ADAMTS9: variants seen among roughly 807,000 people sequenced by gnomAD.
ADAMTS9 encodes the protein ADAM metallopeptidase with thrombospondin type 1 motif 9.
ADAMTS9 carries 107 observed loss-of-function variants against 257.1 expected under a neutral mutation model. The observed-to-expected ratio is 0.42, with a 90% confidence interval of 0.36 to 0.49. The LOEUF is 0.49. Among genes scored for constraint, ADAMTS9 ranks in the 20% least tolerant of loss-of-function variants. The pLI is 0.03. For synonymous variants in ADAMTS9, 982 were observed against 880.9 expected, an observed-to-expected ratio of 1.11 and a Z score of -2.03; for missense variants, 2,353 against 2,469.1, an observed-to-expected ratio of 0.95 and a Z score of 1.00.
At position 64,604,093 on chromosome 3, in the gene ADAMTS9, G is replaced by C. The variant is rs1308295264; in HGVS notation, c.3580-4C>G. 6.2e-7 allele frequency: 1 copy of C among 1,613,674 alleles called. No individual in the cohort carries two copies. The highest frequency in any genetic ancestry group is 8.5e-7 in the Non-Finnish European group (1 of 1,179,828). On this transcript the variant is annotated splice_polypyrimidine_tract_variant and splice_region_variant and intron_variant, in intron 24 of 39. Transcript: ENST00000498707. ...CTTTCCCACAAGTGGCTGAGCACTGGGTGTTGGAGTAAAATCATGCAGTTA... is the reference window on the plus strand; with the variant it reads ...CTTTCCCACAAGTGGCTGAGCACTGCGTGTTGGAGTAAAATCATGCAGTTA...
intron 28 of ADAMTS9, among the ~76,000 whole-genome samples, chr3:64,574,574 A>AAAG (rs1553704863): frequency 1.9e-4 from 28 of 151,342 alleles, no homozygotes; most frequent in African/African-American, 6.8e-4. Flanking sequence ...AAAAAAAAAA[A>AAAG]AAAGAAAAAT....
intron 28 of ADAMTS9, among the ~76,000 whole-genome samples, chr3:64,584,919 T>C (rs1379731479): frequency 6.6e-6 from 1 of 152,210 alleles, no homozygotes; most frequent in Non-Finnish European, 1.5e-5. Flanking sequence ...ATCATCATTA[T>C]TAATACAACA....
chr3:64,517,416 G>GTTTTTTTTGTTTTT (rs1553698668), intron 39 of ADAMTS9, among the ~76,000 whole-genome samples: 8 of 52,670 alleles, frequency 1.5e-4, no homozygotes, highest in East Asian at 6.9e-4. Context: ...ATTAAAAATG[G>GTTTTTTTTGTTTTT]TTTTTTTTTT....
chr3:64,622,448 T>C lies in ADAMTS9; in HGVS notation c.2528A>G (p.Asp843Gly), dbSNP rs371210031. The change falls in exon 17 of 40, where the codon GAT becomes GGT. Residue 843 changes from aspartate to glycine, a missense_variant. By Grantham distance (94) the Asp-to-Gly change is moderately conservative. Around this residue, in one of 3 missense-constraint regions of ADAMTS9, gnomAD observed 1,402 missense variants for 1,441.4 expected, o/e 0.97. Coordinates refer to ENST00000498707, the MANE Select transcript of ADAMTS9 (RefSeq NM_182920.2). The part of the protein sequence containing the change: ...ETAVERINST[D>G]RIEQELLLQV... ...AAGCAAAAGTTCTTGCTCAATGCGA[T>C]CTGTTGAGTTAATTCTTTCTACGGC... The C allele has an allele frequency of 1.2e-5, 19 of 1,613,860 alleles. No individual in the cohort carries two copies. The African/African-American group carries it at 1.2e-4, about 10-fold the overall frequency.
rs1466588446 is a variant in ADAMTS9 at position 64,687,823 on chromosome 3, T to G, written c.-166A>C. 2.0e-6 allele frequency: 1 copy of G among 504,464 alleles called. No homozygotes were observed. Among genetic ancestry groups the G allele is most frequent in the Non-Finnish European group, 3.5e-6 (1 of 287,634 alleles). The allele number at this position is 504,464 out of a possible 1,614,324, so 31.2% of individuals were successfully genotyped here. Reference sequence around the variant, plus strand: ...GAGGTCTCGCTGCGAGGGTCCCGTCTGCGCTCGGCTGAGCAACGCCGCCGC... The same window carrying G: ...GAGGTCTCGCTGCGAGGGTCCCGTCGGCGCTCGGCTGAGCAACGCCGCCGC... On this transcript the variant is annotated 5_prime_UTR_variant, in exon 1 of 40. Transcript: ENST00000498707. The surrounding 1 kb of genome is among the most constrained non-coding windows in gnomAD (Gnocchi z 4.4).
intron 19 of ADAMTS9, among the ~76,000 whole-genome samples, chr3:64,617,275 A>C (rs560300069): frequency 6.6e-6 from 1 of 152,220 alleles, no homozygotes; most frequent in South Asian, 2.1e-4. Context: ...TGCCTTCGTC[A>C]CCATTTCCTT....
intron 25 of ADAMTS9, among the ~76,000 whole-genome samples, chr3:64,603,454 G>A (rs1428065481): frequency 6.6e-6 from 1 of 152,116 alleles, no homozygotes; most frequent in Admixed American, 6.5e-5. Context: ...GTGTACAGCA[G>A]GCAGGTTCAC....
intron 27 of ADAMTS9, among the ~76,000 whole-genome samples, chr3:64,595,341 A>C (rs543964407): frequency 1.3e-5 from 2 of 152,174 alleles, no homozygotes; most frequent in Non-Finnish European, 2.9e-5. Flanking sequence ...GGCTAGATCT[A>C]AACTTCTGAG....
At chr3:64,595,362 G>A (rs759030601) in intron 27 of ADAMTS9, among the ~76,000 whole-genome samples, 14 of 152,166 alleles carry the variant, frequency 9.2e-5, no homozygotes, top group Non-Finnish European at 1.6e-4. Context: ...GCAGGAACAC[G>A]TTGTATTTCT....
intron 32 of ADAMTS9, among the ~76,000 whole-genome samples, 174 bp from the exon 33 acceptor site, chr3:64,542,144 G>A (rs1245414944): frequency 6.6e-5 from 10 of 152,114 alleles, no homozygotes; most frequent in African/African-American, 2.4e-4. Context: ...GCCAGTCCCT[G>A]TGGTAAGCTT....
chr3:64,566,146 C>A (rs974153888), intron 29 of ADAMTS9, among the ~76,000 whole-genome samples: 3 of 152,156 alleles, frequency 2.0e-5, no homozygotes, highest in Admixed American at 6.5e-5. Flanking sequence ...AATATTGCTG[C>A]AAGTGGACAA....
At chr3:64,648,267 A>T (rs1191454109) in intron 10 of ADAMTS9, among the ~76,000 whole-genome samples, 1 of 152,204 alleles carries the variant, frequency 6.6e-6, no homozygotes, top group African/African-American at 2.4e-5. Flanking sequence ...CAAGCTAAGG[A>T]AAGAAAACTT....
chr3:64,672,230 G>A (rs1456062924), intron 3 of ADAMTS9, among the ~76,000 whole-genome samples: 1 of 152,190 alleles, frequency 6.6e-6, no homozygotes, highest in African/African-American at 2.4e-5. Flanking sequence ...ATTCACCCTT[G>A]TAGCACCCCT....
chr3:64,641,707 G>T (rs73124224), intron 12 of ADAMTS9, 141 bp downstream of exon 12: 25 of 1,013,464 alleles, frequency 2.5e-5, no homozygotes, highest in Non-Finnish European at 3.6e-5. Flanking sequence ...TTTGGGTACC[G>T]TGGGTCTAAG....
chr3:64,613,899 A>G (rs2084713311), intron 21 of ADAMTS9, among the ~76,000 whole-genome samples: 1 of 152,212 alleles, frequency 6.6e-6, no homozygotes, highest in Non-Finnish European at 1.5e-5. Flanking sequence ...TAAAATGAGA[A>G]TTAGTGTCTA....
chr3:64,611,657 C>T (rs530058614), intron 22 of ADAMTS9, among the ~76,000 whole-genome samples: 6 of 152,276 alleles, frequency 3.9e-5, no homozygotes, highest in Non-Finnish European at 5.9e-5. Context: ...CAACCTAGAT[C>T]TCACAGTTCA....
At position 64,568,412 on chromosome 3, in the gene ADAMTS9, G is replaced by A. The variant is rs2083594165; in HGVS notation, c.4480C>T (p.Arg1494Ter). 6.2e-7 allele frequency: 1 copy of A among 1,612,456 alleles called. No homozygotes were observed. Among genetic ancestry groups the A allele is most frequent in the Non-Finnish European group, 8.5e-7 (1 of 1,179,696 alleles). Residue 1494 changes from arginine (R) to a stop codon, truncating the protein, a stop_gained, in exon 29 of 40, where the codon CGA (arginine) becomes TGA (stop). Transcript: ENST00000498707. LOFTEE classifies it high-confidence loss of function. ...TTCCATTTGGGGCATCTTCCTCCTC[G>A]GCACTTTCTGTGCCCATGTGGCTTA... ...LAKPHGHRKCRGGRCPKWKAG... is the reference protein window; with the variant it reads ...LAKPHGHRKC
intron 27 of ADAMTS9, among the ~76,000 whole-genome samples, chr3:64,595,596 T>G (rs752028378): frequency 6.6e-6 from 1 of 152,234 alleles, no homozygotes; most frequent in African/African-American, 2.4e-5. Flanking sequence ...CCACAATACA[T>G]GAGTCACAAA....
chr3:64,607,519 C>A (rs555959574), intron 22 of ADAMTS9, among the ~76,000 whole-genome samples: 1 of 152,138 alleles, frequency 6.6e-6, no homozygotes, highest in South Asian at 2.1e-4. Context: ...CTGGACACCA[C>A]CAAAGTATGC....
Sources: gnomAD v4.1 joint callset for allele counts (sites outside exome capture counted in the v4.1 genomes callset) on GRCh38, gnomAD v4.1.1 for gene constraint, gnomAD v4.1.1 regional missense constraint, Gnocchi (gnomAD v3.1) non-coding constraint, MANE v1.5 for transcripts, NCBI Gene and HGNC (gene_info 2026-07-23, HGNC 2026-07-21) for gene names.